GLCCI1: variants seen among roughly 807,000 people sequenced by gnomAD.
GLCCI1 encodes the protein glucocorticoid induced 1.
A neutral mutation model predicts 52.2 loss-of-function variants in GLCCI1; 24 were observed. The ratio of observed to expected loss-of-function variants is 0.46; its 90% CI spans 0.33 to 0.65. The LOEUF (loss-of-function observed/expected upper bound fraction) is 0.65, where lower values mean the gene tolerates loss of function less well. Ranked by LOEUF, GLCCI1 falls within the 30% of genes least tolerant of loss-of-function variation. GLCCI1 has a pLI of 0.02. For synonymous variants in GLCCI1, 310 were observed against 276.5 expected (o/e 1.12, Z -1.20); for missense variants, 704 against 701.5 (o/e 1.00, Z -0.04).
chr7:8,070,482 C>G (rs1479330021), intron 5 of GLCCI1: 1 of 156,058 alleles, frequency 6.4e-6, no homozygotes, highest in Non-Finnish European at 1.4e-5. Flanking sequence ...AAGGAATGAA[C>G]AAACAGAAAA....
Position 8,022,628 on chromosome 7 carries a change from A to G in GLCCI1, c.696+59A>G. The G allele has an allele frequency of 5.0e-6, 5 of 1,005,580 alleles. No homozygotes were observed. The East Asian group carries it at 1.1e-4, about 23-fold the overall frequency. 62.3% of individuals were successfully genotyped at this position (1,005,580 alleles called of 1,614,324 possible). ...TTTGGTCCTAGTAGATTACCTTAGT[A>G]TTTCCTGAATGTAATGACACTTTTA... On this transcript the variant is annotated intron_variant, in intron 3 of 7. Transcript: ENST00000223145.
chr7:7,989,340 G>A (rs1328847111), intron 1 of GLCCI1, among the ~76,000 whole-genome samples: 1 of 151,956 alleles, frequency 6.6e-6, no homozygotes, highest in Non-Finnish European at 1.5e-5. Context: ...AATTTGTGTT[G>A]GCAGTGCATC....
intron 1 of GLCCI1, among the ~76,000 whole-genome samples, chr7:7,996,923 A>G (rs1780949181): frequency 6.6e-6 from 1 of 152,210 alleles, no homozygotes; most frequent in Non-Finnish European, 1.5e-5. Flanking sequence ...TTTATTTCAG[A>G]TAGCATATTC....
chr7:7,981,014 A>C lies in GLCCI1; in HGVS notation c.457+11207A>C, dbSNP rs1377549613. On this transcript the variant is annotated intron_variant, in intron 1 of 7. Coordinates refer to ENST00000223145, the MANE Select transcript of GLCCI1 (RefSeq NM_138426.4). Reference sequence around the variant, plus strand: ...CATTTCAAACGAAGGTCAGCCGAAGAAGTAGAAGAAATAAAGGCAGAAAAA... The same window carrying C: ...CATTTCAAACGAAGGTCAGCCGAAGCAGTAGAAGAAATAAAGGCAGAAAAA... 5.8e-6 allele frequency: 3 copies of C among 513,042 alleles called. No homozygotes were observed. In the African/African-American group the frequency reaches 6.0e-5, roughly 10 times the overall value. 31.8% of individuals were successfully genotyped at this position (513,042 alleles called of 1,614,324 possible).
At chr7:8,060,577 T>G (rs1782491486) in intron 5 of GLCCI1, among the ~76,000 whole-genome samples, 2 of 152,262 alleles carry the variant, frequency 1.3e-5, no homozygotes, top group South Asian at 4.1e-4. Flanking sequence ...ATCAATGGAA[T>G]CATACAACGT....
At chr7:8,036,730 G>GA (rs1277284635) in intron 3 of GLCCI1, among the ~76,000 whole-genome samples, 1 of 152,088 alleles carries the variant, frequency 6.6e-6, no homozygotes, top group Non-Finnish European at 1.5e-5. Context: ...TTTTAGAAAT[G>GA]AAAAATTCAT....
chr7:8,048,847 T>TAC (rs1482949860), intron 3 of GLCCI1, among the ~76,000 whole-genome samples: 1 of 152,158 alleles, frequency 6.6e-6, no homozygotes, highest in African/African-American at 2.4e-5. Flanking sequence ...ATCCTGTACA[T>TAC]ACAGTAGATC....
At chr7:8,082,635 GC>G (rs1476583032) in intron 6 of GLCCI1, among the ~76,000 whole-genome samples, 1 of 151,988 alleles carries the variant, frequency 6.6e-6, no homozygotes, top group Non-Finnish European at 1.5e-5. Context: ...TATAAACCCT[GC>G]CTGTCTAGGA....
At chr7:7,974,890 AT>A (rs1473425610) in intron 1 of GLCCI1, among the ~76,000 whole-genome samples, 1 of 152,064 alleles carries the variant, frequency 6.6e-6, no homozygotes, top group Non-Finnish European at 1.5e-5. Context: ...TCAGTATATA[AT>A]TTATTCTTTT....
intron 3 of GLCCI1, among the ~76,000 whole-genome samples, chr7:8,026,357 G>A (rs905958633): frequency 6.6e-6 from 1 of 152,098 alleles, no homozygotes; most frequent in Admixed American, 6.6e-5. Context: ...AACAAAAAAA[G>A]TTGTGACACA....
rs543013994 is a variant in GLCCI1, at chr7:7,997,629, T to C, written c.458-6279T>C. ...TGACTACCTGTTAAAATAAAGGTTT[T>C]ATAAAGTAGCTATAGAGGCTGGGCA... On this transcript the variant is annotated intron_variant, in intron 1 of 7. Transcript: ENST00000223145. 5.3e-5 allele frequency among the ~76,000 whole-genome samples: 8 copies of C among 152,210 alleles called. No homozygotes were observed. In the East Asian group the frequency reaches 1.5e-3, roughly 29 times the overall value.
rs547056033 is a variant in GLCCI1, at chr7:8,059,602, C to A, written c.814-494C>A. On this transcript the variant is annotated intron_variant, in intron 4 of 7. Transcript: ENST00000223145. The stretch of plus-strand genomic sequence containing the variant: ...TGTTGAACTTAGCATAATACTGTTG[C>A]CACATTACTTAATAATCCAACAGAT... 4.3e-4 allele frequency among the ~76,000 whole-genome samples: 66 copies of A among 152,202 alleles called. No homozygotes were observed. In the South Asian group the frequency reaches 0.014, roughly 31 times the overall value.
At chr7:7,992,014 A>T (rs1008296984) in intron 1 of GLCCI1, among the ~76,000 whole-genome samples, 2 of 151,672 alleles carry the variant, frequency 1.3e-5, no homozygotes, top group African/African-American at 4.8e-5. Flanking sequence ...AGCCAATTCA[A>T]TGACGTTGGA....
intron 2 of GLCCI1, among the ~76,000 whole-genome samples, chr7:8,005,807 T>G (rs1459165864): frequency 6.6e-6 from 1 of 151,950 alleles, no homozygotes; most frequent in Non-Finnish European, 1.5e-5. Context: ...GTTTGTTTTG[T>G]TTTTTTTGAG....
chr7:8,076,565 A>G (rs1184306019), intron 6 of GLCCI1, among the ~76,000 whole-genome samples: 2 of 152,196 alleles, frequency 1.3e-5, no homozygotes, highest in Non-Finnish European at 2.9e-5. Context: ...AATGTTAACA[A>G]TTTTAACAAT....
intron 2 of GLCCI1, among the ~76,000 whole-genome samples, chr7:8,016,688 T>TG (rs1781389025): frequency 6.6e-6 from 1 of 152,136 alleles, no homozygotes; most frequent in Non-Finnish European, 1.5e-5. Context: ...TAACAGCTTT[T>TG]GGGGGACAAC....
At chr7:8,053,108 A>G (rs1233387337) in intron 3 of GLCCI1, among the ~76,000 whole-genome samples, 5 of 151,772 alleles carry the variant, frequency 3.3e-5, no homozygotes, top group Non-Finnish European at 7.4e-5. Context: ...TGATGTTACT[A>G]AGTTTTCAAA....
At chr7:8,011,516 A>T (rs144398658) in intron 2 of GLCCI1, among the ~76,000 whole-genome samples, 1 of 152,158 alleles carries the variant, frequency 6.6e-6, no homozygotes, top group South Asian at 2.1e-4. Flanking sequence ...TTAGATATAC[A>T]TACCACATTT....
intron 1 of GLCCI1, among the ~76,000 whole-genome samples, chr7:7,985,108 G>A (rs1473894173): frequency 2.0e-5 from 3 of 152,144 alleles, no homozygotes; most frequent in Non-Finnish European, 2.9e-5. Flanking sequence ...AGCATAATTA[G>A]ACTACAAATA....
Sources: gnomAD v4.1 joint callset for allele counts (sites outside exome capture counted in the v4.1 genomes callset) on GRCh38, gnomAD v4.1.1 for gene constraint, MANE v1.5 for transcripts, NCBI Gene and HGNC (gene_info 2026-07-23, HGNC 2026-07-21) for gene names.